Variants in RASGRF1 observed in about 807,000 individuals in gnomAD.
RASGRF1 encodes ras-specific guanine nucleotide-releasing factor 1.
In RASGRF1, 40 loss-of-function variants were observed where a neutral mutation model predicts 138.7. The observed-to-expected ratio is 0.29, with a 90% CI of 0.22 to 0.38. The LOEUF is 0.38. RASGRF1 is among the 10% of genes least tolerant of loss of function. RASGRF1 has a pLI of 1.00. For missense variants in RASGRF1, 1,108 were observed against 1,650.4 expected (o/e 0.67, Z 5.69); for synonymous variants, 614 against 663.2 (o/e 0.93, Z 1.14).
rs183866591 is a variant in RASGRF1, at chr15:79,030,218, C to T, written c.1262+1182G>A. Among the ~76,000 whole-genome samples, 16 of 152,288 alleles carry T rather than the reference C, an allele frequency of 1.1e-4. No homozygotes were observed. The East Asian group carries it at 1.5e-3, about 15-fold the overall frequency. On this transcript the variant is annotated intron_variant, in intron 8 of 26. Transcript: ENST00000558480. ...TGTGGCCTGGTTGGCTGCCCCTTGC[C>T]GGCCTCAGGAAGACTTTTAGGGCAC...
At chr15:79,025,926 TAAA>T (rs11328006) in intron 9 of RASGRF1, among the ~76,000 whole-genome samples, 261 of 143,338 alleles carry the variant, frequency 1.8e-3, no homozygotes, top group Admixed American at 2.8e-3. Flanking sequence ...TACTAAGATT[TAAA>T]AAAAAAAAAA....
At chr15:78,976,378 T>C (rs1596314730) in intron 24 of RASGRF1, among the ~76,000 whole-genome samples, 1 of 152,150 alleles carries the variant, frequency 6.6e-6, no homozygotes, top group African/African-American at 2.4e-5. Flanking sequence ...ACACTAACGA[T>C]AGCTAATAAG....
rs2057033561 is a variant in RASGRF1, at chr15:79,025,464, A to G, written c.1392T>C (p.Ile464=). ...TGCCCTTTTCAGACATGGGCACCTG[A>G]ATGAGGGAACCTGTGGGTGGAGGAG... ...SQTFVRQGSL[I]QVPMSEKGKI... Residue 464 remains isoleucine (I), a synonymous_variant, in exon 10 of 27, where the codon ATT becomes ATC. Coordinates refer to ENST00000558480, the MANE Select transcript of RASGRF1 (RefSeq NM_001145648.3). 6.2e-7 allele frequency: 1 copy of G among 1,612,466 alleles called. No homozygotes were observed.
chr15:79,075,036 C>T (rs1223629181), intron 1 of RASGRF1, among the ~76,000 whole-genome samples: 2 of 152,186 alleles, frequency 1.3e-5, no homozygotes, highest in Non-Finnish European at 2.9e-5. Flanking sequence ...GAGCCTGGAC[C>T]TCCTGAGGCT....
At chr15:78,965,268 C>T (rs773784058) in intron 26 of RASGRF1, among the ~76,000 whole-genome samples, 1 of 152,158 alleles carries the variant, frequency 6.6e-6, no homozygotes, top group Non-Finnish European at 1.5e-5. Context: ...TGCACACGGA[C>T]ACTGGAGACC....
At chr15:79,059,064 A>T (rs1015838123) in intron 2 of RASGRF1, among the ~76,000 whole-genome samples, 3 of 151,016 alleles carry the variant, frequency 2.0e-5, no homozygotes, top group African/African-American at 4.9e-5. Flanking sequence ...TGCTCTGCTA[A>T]CCTCCCTCCC....
chr15:78,962,253 GA>G lies in RASGRF1; in HGVS notation c.3682-18del. On this transcript the variant is annotated intron_variant, in intron 26 of 26. Transcript: ENST00000558480. ...TTGCGTTACCTGAGAAAAGAAAAGA[GA>G]AAAGGGAATGGGAGGGTTGTGGGAC... 1 of 1,491,624 alleles carries G rather than the reference GA, an allele frequency of 6.7e-7. No homozygotes were observed. 92.4% of individuals were successfully genotyped at this position (1,491,624 alleles called of 1,614,324 possible).
rs561370237 is a variant in RASGRF1 at position 78,971,910 on chromosome 15, G to C, written c.3637C>G (p.Arg1213Gly). ...RMISHIIREIRQFQQTAYKIE... is the reference protein window; with the variant it reads ...RMISHIIREIGQFQQTAYKIE... ...TTGTAGGCAGTTTGTTGAAACTGGC[G>C]AATCTCTCGGATAATATGGGATATC... The change falls in exon 26 of 27, where the codon CGC becomes GGC. Residue 1213 changes from arginine to glycine, a missense_variant. Physicochemically the swap from Arg to Gly is moderately radical, Grantham distance 125. Transcript: ENST00000558480. 16 of 1,587,430 alleles carry C rather than the reference G, an allele frequency of 1.0e-5. No homozygotes were observed. Among genetic ancestry groups the C allele is most frequent in the African/African-American group, 1.3e-5 (1 of 74,316 alleles).
intron 23 of RASGRF1, among the ~76,000 whole-genome samples, chr15:78,982,191 T>C (rs1178481076): frequency 6.6e-6 from 1 of 152,182 alleles, no homozygotes; most frequent in African/African-American, 2.4e-5. Context: ...TACTCTAGAA[T>C]TGTGGAAGAC....
In RASGRF1 at chr15:79,014,916, C is replaced by CA. The variant is rs201286667; in HGVS notation, c.1826+410dup. 5.9e-3 allele frequency among the ~76,000 whole-genome samples: 374 copies of CA among 63,086 alleles called. 2 individuals are homozygous for CA. The highest frequency in any genetic ancestry group is 0.036 in the South Asian group (46 of 1,264). 41.4% of individuals were successfully genotyped at this position (63,086 alleles called of 152,430 possible). A position where few individuals can be genotyped will look rare whatever the true frequency, so the allele number is the denominator to read the frequency against. On this transcript the variant is annotated intron_variant, in intron 13 of 26. Transcript: ENST00000558480. ...TGGGTGACAGAGCAAGACTTGGTCT[C>CA]AAAAAAACAAAAAACAAAAAACAAA... is the stretch of plus-strand genomic sequence containing the variant.
chr15:79,089,412 C>T (rs986452755), intron 1 of RASGRF1, among the ~76,000 whole-genome samples: 1 of 152,244 alleles, frequency 6.6e-6, no homozygotes, highest in Admixed American at 6.5e-5. Context: ...GCCCGGGCTC[C>T]CTGTTAGAGC....
In RASGRF1 at chr15:79,044,612, T is replaced by C. The variant is rs549047955; in HGVS notation, c.878+2134A>G. ...GGGCCCAACCCTATGGACTGCCTTG[T>C]ATTGACAACAGAAAGGGAAAAACAG... On this transcript the variant is annotated intron_variant, in intron 5 of 26. Coordinates refer to ENST00000558480, the MANE Select transcript of RASGRF1 (RefSeq NM_001145648.3). 3.3e-5 allele frequency among the ~76,000 whole-genome samples: 5 copies of C among 152,328 alleles called. No individual in the cohort carries two copies. In the East Asian group the frequency reaches 7.7e-4, roughly 24 times the overall value.
At chr15:79,082,577 G>A (rs1269752873) in intron 1 of RASGRF1, among the ~76,000 whole-genome samples, 1 of 152,208 alleles carries the variant, frequency 6.6e-6, no homozygotes, top group Non-Finnish European at 1.5e-5. Flanking sequence ...CACCAGTTAG[G>A]AGGCCACTGC....
intron 26 of RASGRF1, among the ~76,000 whole-genome samples, chr15:78,968,681 T>C (rs113075388): frequency 2.6e-5 from 4 of 152,212 alleles, no homozygotes; most frequent in Admixed American, 1.3e-4. Flanking sequence ...AGCTGGCTCA[T>C]GCCAGCCTGC....
At chr15:79,021,102 T>C (rs540448474) in intron 10 of RASGRF1, among the ~76,000 whole-genome samples, 10 of 152,314 alleles carry the variant, frequency 6.6e-5, no homozygotes, top group Non-Finnish European at 1.2e-4. Context: ...TTCGGAACAC[T>C]GCAGCCCCAG....
chr15:79,075,125 G>A (rs1298119343), intron 1 of RASGRF1, among the ~76,000 whole-genome samples: 1 of 152,128 alleles, frequency 6.6e-6, no homozygotes, highest in African/African-American at 2.4e-5. Context: ...AGCATCCCCG[G>A]GTGATTCCAA....
intron 26 of RASGRF1, among the ~76,000 whole-genome samples, chr15:78,969,634 A>G (rs1436276481): frequency 6.6e-6 from 1 of 152,158 alleles, no homozygotes; most frequent in East Asian, 1.9e-4. Context: ...GCGCCATTGC[A>G]CTCCAGCCTG....
chr15:78,994,086 T>C (rs1286877387), intron 20 of RASGRF1, among the ~76,000 whole-genome samples: 1 of 152,158 alleles, frequency 6.6e-6, no homozygotes, highest in Admixed American at 6.5e-5. Context: ...CTCATGCTGT[T>C]GAGGGGTAAA....
At chr15:79,004,236 TGGG>T in intron 14 of RASGRF1, 61 bp from the exon 15 acceptor site, 1 of 1,499,978 alleles carries the variant, frequency 6.7e-7, no homozygotes, top group Non-Finnish European at 8.8e-7. Context: ...CGCCTAGGCC[TGGG>T]GGCCGTCTCC....
Sources: allele counts gnomAD v4.1 joint callset (sites outside exome capture counted in the v4.1 genomes callset), GRCh38; gene constraint gnomAD v4.1.1; transcripts MANE v1.5; gene names NCBI Gene and HGNC (gene_info 2026-07-23, HGNC 2026-07-21).